The following RCSD1 variants were observed in gnomAD, a reference collection of about 807,000 sequenced individuals.
The protein encoded by RCSD1 is capZ-interacting protein.
In RCSD1, 26 loss-of-function variants were observed where a neutral mutation model predicts 42.5. The observed-to-expected ratio is 0.61, with a 90% CI of 0.45 to 0.85. The LOEUF is 0.85. Among genes scored for constraint, RCSD1 ranks in the 40% least tolerant of loss-of-function variants. The pLI, the probability that RCSD1 is intolerant of heterozygous loss-of-function variation, is 0.00. For synonymous variants in RCSD1, 220 were observed against 212.2 expected (o/e 1.04, Z -0.32); for missense variants, 571 against 528.3 (o/e 1.08, Z -0.79).
chr1:167,672,251 T>C (rs1658828406), intron 1 of RCSD1, among the ~76,000 whole-genome samples: 1 of 152,216 alleles, frequency 6.6e-6, no homozygotes, highest in Admixed American at 6.5e-5. Context: ...TGACTTTCTC[T>C]TCTTCCCCAC....
Position 167,705,019 on chromosome 1 carries a change from C to T in RCSD1, c.*323C>T. The T allele has an allele frequency of 4.0e-6, 1 of 249,960 alleles. No individual in the cohort carries two copies. The highest frequency in any genetic ancestry group is 7.8e-6 in the Non-Finnish European group (1 of 128,108). The allele number at this position is 249,960 out of a possible 1,614,324, so 15.5% of individuals were successfully genotyped here. ...AGGGGCACTGGTCAGCCTGTGGAGC[C>T]CTGGATGCTATCCACACCCACCTAT... On this transcript the variant is annotated 3_prime_UTR_variant, in exon 7 of 7. Coordinates refer to ENST00000367854, the MANE Select transcript of RCSD1 (RefSeq NM_052862.4).
At chr1:167,659,010 C>A (rs1234494321) in intron 1 of RCSD1, among the ~76,000 whole-genome samples, 1 of 152,074 alleles carries the variant, frequency 6.6e-6, no homozygotes, top group African/African-American at 2.4e-5. Context: ...AGCAATATAT[C>A]AATATATGAG....
chr1:167,688,273 G>A (rs1367886599), intron 3 of RCSD1, among the ~76,000 whole-genome samples: 1 of 152,102 alleles, frequency 6.6e-6, no homozygotes, highest in Non-Finnish European at 1.5e-5. Context: ...TGGTCAGCTG[G>A]GGAAGAGAAG....
At chr1:167,660,254 C>T (rs34476873) in intron 1 of RCSD1, among the ~76,000 whole-genome samples, 7,115 of 152,212 alleles carry the variant, frequency 0.047, 184 homozygotes, top group Non-Finnish European at 0.057. Flanking sequence ...CCCAGGGTCA[C>T]ATAAGGAACA....
intron 5 of RCSD1, among the ~76,000 whole-genome samples, chr1:167,694,658 G>T (rs1659454612): frequency 6.6e-6 from 1 of 152,148 alleles, no homozygotes; most frequent in Admixed American, 6.5e-5. Context: ...AAAGCTAAAG[G>T]CCTGATCAGT....
Position 167,707,103 on chromosome 1 carries a change from C to T in RCSD1, c.*2407C>T, listed in dbSNP as rs150129695. Among the ~76,000 whole-genome samples the T allele has an allele frequency of 1.6e-3, 238 of 152,234 alleles. 2 individuals carry two copies. Among genetic ancestry groups the T allele is most frequent in the African/African-American group, 5.5e-3 (230 of 41,536 alleles). ...TCCAGAGAGGGAGCAAGAAAAAAAA[C>T]CTGGATGCTTTGAAGGGATCTGCCA... is the stretch of plus-strand genomic sequence containing the variant. On this transcript the variant is annotated 3_prime_UTR_variant, in exon 7 of 7. Transcript: ENST00000367854.
chr1:167,663,062 G>C (rs1658574696), intron 1 of RCSD1, among the ~76,000 whole-genome samples: 1 of 152,198 alleles, frequency 6.6e-6, no homozygotes, highest in Non-Finnish European at 1.5e-5. Context: ...CCGCTCCTCT[G>C]ACTGCTGGGT....
In RCSD1 at chr1:167,708,360, C is replaced by T. The variant is rs1279141128; in HGVS notation, c.*3664C>T. Among the ~76,000 whole-genome samples the T allele has an allele frequency of 6.6e-6, 1 of 152,172 alleles. No homozygotes were observed. Among genetic ancestry groups the T allele is most frequent in the East Asian group, 1.9e-4 (1 of 5,202 alleles). On this transcript the variant is annotated 3_prime_UTR_variant, in exon 7 of 7. Coordinates refer to ENST00000367854, the MANE Select transcript of RCSD1 (RefSeq NM_052862.4). ...CCAATTACTATCCCATTGTTTGCTT[C>T]AAAATTAAATTTTGTTTGACCCCAA...
At chr1:167,692,805 A>G (rs965874307) in intron 4 of RCSD1, among the ~76,000 whole-genome samples, 5 of 152,068 alleles carry the variant, frequency 3.3e-5, no homozygotes, top group Non-Finnish European at 1.5e-5. Context: ...ACCCTTCTAA[A>G]CGTGTGCAAT....
intron 1 of RCSD1, among the ~76,000 whole-genome samples, chr1:167,683,503 G>C (rs909519250): frequency 6.6e-6 from 1 of 152,224 alleles, no homozygotes. Context: ...ATATATATGT[G>C]TTTCAAGTTC....
intron 1 of RCSD1, among the ~76,000 whole-genome samples, chr1:167,661,078 T>G (rs1173295936): frequency 6.6e-6 from 1 of 152,224 alleles, no homozygotes; most frequent in African/African-American, 2.4e-5. Context: ...CCTAACCACA[T>G]TAAGTAAAAT....
chr1:167,639,087 G>C (rs1258148785), intron 1 of RCSD1, among the ~76,000 whole-genome samples: 3 of 152,074 alleles, frequency 2.0e-5, no homozygotes, highest in Non-Finnish European at 1.5e-5. Context: ...CATGGTGGCA[G>C]GCACCTGTAG....
In RCSD1 at chr1:167,708,412, T is replaced by C. The variant is rs1659810402; in HGVS notation, c.*3716T>C. 6.6e-6 allele frequency among the ~76,000 whole-genome samples: 1 copy of C among 152,240 alleles called. No individual in the cohort carries two copies. Among genetic ancestry groups the C allele is most frequent in the Non-Finnish European group, 1.5e-5 (1 of 68,046 alleles). ...TAGTTCTAGTCAAGTTTTTGCTCGA[T>C]GGACCACGTGAAAAAAGGATAAACA... On this transcript the variant is annotated 3_prime_UTR_variant, in exon 7 of 7. Transcript: ENST00000367854.
At position 167,689,493 on chromosome 1, in the gene RCSD1, A is replaced by AG. The variant is rs35668214; in HGVS notation, c.199-556_199-555insG. Among the ~76,000 whole-genome samples, 91 of 137,180 alleles carry AG rather than the reference A, an allele frequency of 6.6e-4. No homozygotes were observed. In the East Asian group the frequency reaches 8.3e-3, roughly 12 times the overall value. The allele number at this position is 137,180 out of a possible 152,430, so 90.0% of individuals were successfully genotyped here. A position where few individuals can be genotyped will look rare whatever the true frequency, so the allele number is the denominator to read the frequency against. On this transcript the variant is annotated intron_variant, in intron 3 of 6. Coordinates refer to ENST00000367854, the MANE Select transcript of RCSD1 (RefSeq NM_052862.4). ...AGGACTCTGTCTCAAAAAAAAAAAAAAAAAGAAAAGAAAAGAAAAAGAATA... is the reference window on the plus strand; with the variant it reads ...AGGACTCTGTCTCAAAAAAAAAAAAAGAAAAGAAAAGAAAAGAAAAAGAATA...
At chr1:167,704,219 C>G (rs1480551964) in intron 6 of RCSD1, among the ~76,000 whole-genome samples, 1 of 152,056 alleles carries the variant, frequency 6.6e-6, no homozygotes, top group Non-Finnish European at 1.5e-5. Context: ...TATATGCTGC[C>G]TAAGAATCTT....
In RCSD1 at chr1:167,706,999, A is replaced by G. The variant is rs1659770489; in HGVS notation, c.*2303A>G. On this transcript the variant is annotated 3_prime_UTR_variant, in exon 7 of 7. Transcript: ENST00000367854. Reference sequence around the variant, plus strand: ...AAAACACGGATTCTTCTACAGCAACAGAGTTAAAGAAATAGTCATAGTCAT... The same window carrying G: ...AAAACACGGATTCTTCTACAGCAACGGAGTTAAAGAAATAGTCATAGTCAT... Among the ~76,000 whole-genome samples, 1 of 152,252 alleles carries G rather than the reference A, an allele frequency of 6.6e-6. No homozygotes were observed. Among genetic ancestry groups the G allele is most frequent in the African/African-American group, 2.4e-5 (1 of 41,468 alleles).
chr1:167,638,634 A>T (rs1162562897), intron 1 of RCSD1, among the ~76,000 whole-genome samples: 1 of 152,250 alleles, frequency 6.6e-6, no homozygotes, highest in Admixed American at 6.5e-5. Flanking sequence ...CAGCCAGCTC[A>T]AGGCTTGGTG....
At chr1:167,686,853 G>GC (rs1308371847) in intron 3 of RCSD1, among the ~76,000 whole-genome samples, 1 of 152,202 alleles carries the variant, frequency 6.6e-6, no homozygotes, top group Non-Finnish European at 1.5e-5. Context: ...ATGTGAGACT[G>GC]CCCCCTGATA....
chr1:167,682,166 C>A (rs928103461), intron 1 of RCSD1, among the ~76,000 whole-genome samples: 66 of 149,782 alleles, frequency 4.4e-4, no homozygotes, highest in Admixed American at 9.9e-4. Context: ...AATCCCTAAA[C>A]GAAGCCTTTT....
Sources: gnomAD v4.1 joint callset for allele counts (sites outside exome capture counted in the v4.1 genomes callset) on GRCh38, gnomAD v4.1.1 for gene constraint, MANE v1.5 for transcripts, NCBI Gene and HGNC (gene_info 2026-07-23, HGNC 2026-07-21) for gene names.